Variants in ANO1 observed in about 807,000 individuals in gnomAD.
ANO1 encodes anoctamin 1.
ANO1 carries 59 observed loss-of-function variants against 124.0 expected under a neutral mutation model. The ratio of observed to expected loss-of-function variants is 0.48; its 90% CI spans 0.39 to 0.59. The LOEUF (loss-of-function observed/expected upper bound fraction) is 0.59, where lower values mean the gene tolerates loss of function less well. Ranked by LOEUF, ANO1 falls within the 20% of genes least tolerant of loss-of-function variation. The probability of loss-of-function intolerance (pLI) is 0.00; values close to 1 mark genes in which losing one functional copy is unlikely to be tolerated. For synonymous variants in ANO1, 529 were observed against 532.0 expected (o/e 0.99, Z 0.08); for missense variants, 1,059 against 1,328.0 (o/e 0.80, Z 3.15).
chr11:70,166,196 T>TATAC (rs2048247650), intron 20 of ANO1, among the ~76,000 whole-genome samples: 2 of 152,072 alleles, frequency 1.3e-5, no homozygotes, highest in Admixed American at 6.5e-5. Context: ...CGGGCGCCTG[T>TATAC]AGTCCCAGCT....
intron 1 of ANO1, among the ~76,000 whole-genome samples, chr11:70,013,342 C>T (rs1856634551): frequency 6.6e-6 from 1 of 152,118 alleles, no homozygotes; most frequent in African/African-American, 2.4e-5. Context: ...AGACAAGAAG[C>T]TAGGGGAAGA....
chr11:70,061,874 C>T (rs1206195785), intron 1 of ANO1, among the ~76,000 whole-genome samples: 1 of 152,068 alleles, frequency 6.6e-6, no homozygotes, highest in Non-Finnish European at 1.5e-5. Flanking sequence ...GGGTCTCTAC[C>T]TCTGTTGCTT....
Position 70,078,757 on chromosome 11 carries a change from C to A in ANO1, c.108+43C>A, listed in dbSNP as rs908010942. ...CGACCCGGGCGGGAGGGCCGCGCAC[C>A]TGCGCCTTGGCGAGGGCGGGAACCG... On this transcript the variant is annotated intron_variant, in intron 1 of 25. Coordinates refer to ENST00000355303, the MANE Select transcript of ANO1 (RefSeq NM_018043.7). 3.7e-6 allele frequency: 5 copies of A among 1,335,236 alleles called. No individual in the cohort carries two copies. In the African/African-American group the frequency reaches 4.6e-5, roughly 12 times the overall value. 82.7% of individuals were successfully genotyped at this position (1,335,236 alleles called of 1,614,324 possible).
intron 19 of ANO1, among the ~76,000 whole-genome samples, chr11:70,164,544 C>T (rs907835485): frequency 2.6e-5 from 4 of 152,232 alleles, no homozygotes; most frequent in Non-Finnish European, 5.9e-5. Context: ...AAAAGCATGG[C>T]TCTCCAAGAC....
intron 1 of ANO1, among the ~76,000 whole-genome samples, chr11:70,063,171 C>T (rs1381115604): frequency 5.9e-5 from 9 of 152,056 alleles, no homozygotes; most frequent in Non-Finnish European, 1.0e-4. Flanking sequence ...CCTCGTGATC[C>T]ACCTCCCAAA....
intron 1 of ANO1, among the ~76,000 whole-genome samples, chr11:70,004,211 A>T (rs938280328): frequency 9.2e-5 from 14 of 152,310 alleles, no homozygotes; most frequent in Middle Eastern, 3.4e-3. Flanking sequence ...TGTTGGCTGG[A>T]TGTTTTTCAA....
intron 1 of ANO1, among the ~76,000 whole-genome samples, chr11:70,038,874 G>C (rs1857136675): frequency 6.6e-6 from 1 of 152,196 alleles, no homozygotes; most frequent in Non-Finnish European, 1.5e-5. Context: ...AGTTAAGACA[G>C]AGTGAGTGTG....
intron 1 of ANO1, among the ~76,000 whole-genome samples, chr11:70,008,110 A>G (rs1288978665): frequency 3.7e-5 from 5 of 134,876 alleles, no homozygotes; most frequent in African/African-American, 1.5e-4. Context: ...AGAGTATTTG[A>G]TTTTGTTGTT....
At chr11:70,095,370 GAA>G (rs1488904748) in intron 2 of ANO1, among the ~76,000 whole-genome samples, 1 of 30,316 alleles carries the variant, frequency 3.3e-5, no homozygotes, top group Admixed American at 4.2e-4. Context: ...AAGAAAGAAA[GAA>G]AGAAAGAAAG....
intron 1 of ANO1, among the ~76,000 whole-genome samples, chr11:70,014,273 C>A: frequency 8.7e-6 from 1 of 114,798 alleles, no homozygotes; most frequent in Non-Finnish European, 1.8e-5. Context: ...ACCCCCCCAC[C>A]CCCCCACCAA....
chr11:69,987,604 C>CAAAAAAAAAAAAAAA (rs202001305), intron 1 of ANO1, among the ~76,000 whole-genome samples: 3 of 109,722 alleles, frequency 2.7e-5, no homozygotes, highest in African/African-American at 1.3e-4. Flanking sequence ...GACCATGTCT[C>CAAAAAAAAAAAAAAA]AAAAAAAAAA....
chr11:70,186,400 A>AGGAAGGAAGGAAGGAAGGAAGAC (rs1405874430), intron 25 of ANO1, among the ~76,000 whole-genome samples: 2 of 150,654 alleles, frequency 1.3e-5, no homozygotes, highest in Admixed American at 6.6e-5. Flanking sequence ...GGAAGGAAGA[A>AGGAAGGAAGGAAGGAAGGAAGAC]AGACATGGAG....
intron 2 of ANO1, among the ~76,000 whole-genome samples, chr11:70,098,782 G>A (rs927124343): frequency 3.5e-4 from 53 of 152,322 alleles, no homozygotes; most frequent in African/African-American, 1.2e-3. Context: ...GTGGACTGAG[G>A]GTCTAGGCCC....
Position 70,189,194 on chromosome 11 carries a change from ACAT to A in ANO1, c.*1194_*1196del, listed in dbSNP as rs1178000187. The stretch of plus-strand genomic sequence containing the variant: ...TGAAATTTCTCAAGCACCAAGAGAA[ACAT>A]CATTTTAGCAAAGGCCAGGAGGAAA... On this transcript the variant is annotated 3_prime_UTR_variant, in exon 26 of 26. Transcript: ENST00000355303. 2.6e-5 allele frequency: 4 copies of A among 152,704 alleles called. No individual in the cohort carries two copies. The highest frequency in any genetic ancestry group is 7.2e-5 in the African/African-American group (3 of 41,556). 9.5% of individuals were successfully genotyped at this position (152,704 alleles called of 1,614,324 possible).
chr11:69,990,529 A>C (rs922943834), intron 1 of ANO1, among the ~76,000 whole-genome samples: 2 of 152,206 alleles, frequency 1.3e-5, no homozygotes, highest in Non-Finnish European at 2.9e-5. Context: ...TTGCTGGATC[A>C]CATAGTTTTA....
chr11:70,113,102 C>T (rs1475442658), intron 7 of ANO1, among the ~76,000 whole-genome samples: 2 of 152,070 alleles, frequency 1.3e-5, no homozygotes, highest in African/African-American at 2.4e-5. Flanking sequence ...GCTGTTCCTT[C>T]TGCTACGGTA....
intron 11 of ANO1, among the ~76,000 whole-genome samples, chr11:70,145,958 AAAAAAAAG>A (rs1646228874): frequency 2.0e-5 from 3 of 151,060 alleles, no homozygotes; most frequent in Non-Finnish European, 4.4e-5. Flanking sequence ...AAAAAAAAAA[AAAAAAAAG>A]AAAGAAAGAA....
chr11:70,168,501 C>T (rs992121083), intron 21 of ANO1, among the ~76,000 whole-genome samples: 14 of 152,028 alleles, frequency 9.2e-5, no homozygotes, highest in Non-Finnish European at 1.6e-4. Context: ...CCCGGTAGGA[C>T]GGCAGCCTCA....
intron 1 of ANO1, among the ~76,000 whole-genome samples, chr11:70,062,373 G>A (rs969201293): frequency 1.8e-4 from 28 of 152,090 alleles, no homozygotes; most frequent in African/African-American, 6.0e-4. Flanking sequence ...CACCACGCCC[G>A]GCCGAGGTGA....
Sources: gnomAD v4.1 joint callset for allele counts (sites outside exome capture counted in the v4.1 genomes callset) on GRCh38, gnomAD v4.1.1 for gene constraint, MANE v1.5 for transcripts, NCBI Gene and HGNC (gene_info 2026-07-23, HGNC 2026-07-21) for gene names.